Variants in ANGPT1 observed in about 807,000 individuals in gnomAD.
The protein encoded by ANGPT1 is angiopoietin 1.
In ANGPT1, 17 loss-of-function variants were observed where a neutral mutation model predicts 62.2. That is an observed-to-expected ratio of 0.27 (90% CI 0.19 to 0.41). The LOEUF is 0.41. Ranked by LOEUF, ANGPT1 falls within the 10% of genes least tolerant of loss-of-function variation. The pLI is 1.00. For missense variants in ANGPT1, 478 were observed against 594.9 expected, an observed-to-expected ratio of 0.80 and a Z score of 2.04; for synonymous variants, 199 against 198.9, an observed-to-expected ratio of 1.00 and a Z score of 0.00.
At chr8:107,489,846 A>G (rs1231790945) in intron 1 of ANGPT1, among the ~76,000 whole-genome samples, 1 of 152,062 alleles carries the variant, frequency 6.6e-6, no homozygotes, top group African/African-American at 2.4e-5. Context: ...ACCGCCAAAG[A>G]TAATCTTGTA....
At chr8:107,464,937 G>C (rs922022525) in intron 1 of ANGPT1, among the ~76,000 whole-genome samples, 5 of 152,180 alleles carry the variant, frequency 3.3e-5, no homozygotes, top group Middle Eastern at 3.4e-3. Context: ...CACATGGGGG[G>C]ATCAAGAAGG....
At chr8:107,342,178 A>C (rs575667334) in intron 2 of ANGPT1, among the ~76,000 whole-genome samples, 1 of 152,310 alleles carries the variant, frequency 6.6e-6, no homozygotes, top group African/African-American at 2.4e-5. Context: ...CCCATCAGCT[A>C]TTTGTGGGTA....
intron 1 of ANGPT1, among the ~76,000 whole-genome samples, chr8:107,375,291 T>C (rs773876774): frequency 5.3e-5 from 8 of 152,186 alleles, no homozygotes; most frequent in Non-Finnish European, 7.4e-5. Context: ...TTAACAAATA[T>C]GGCAGTTAGT....
At chr8:107,357,079 A>C (rs1463664707) in intron 1 of ANGPT1, among the ~76,000 whole-genome samples, 4 of 152,164 alleles carry the variant, frequency 2.6e-5, no homozygotes. Flanking sequence ...CTTTGTAGTT[A>C]TGTTCATTTC....
At position 107,355,414 on chromosome 8, in the gene ANGPT1, G is replaced by A. The variant is rs984362834; in HGVS notation, c.298-8317C>T. On this transcript the variant is annotated intron_variant, in intron 1 of 8. Coordinates refer to ENST00000517746, the MANE Select transcript of ANGPT1 (RefSeq NM_001146.5). Reference sequence around the variant, plus strand: ...CCATAGCCAGTGGGATCAATCTAAAGCACAGATTTGGCTTTGTCATGTCAC... The same window carrying A: ...CCATAGCCAGTGGGATCAATCTAAAACACAGATTTGGCTTTGTCATGTCAC... Among the ~76,000 whole-genome samples, 4 of 152,102 alleles carry A rather than the reference G, an allele frequency of 2.6e-5. No homozygotes were observed. In the East Asian group the frequency reaches 7.7e-4, roughly 29 times the overall value.
At chr8:107,450,599 C>A (rs1412908673) in intron 1 of ANGPT1, among the ~76,000 whole-genome samples, 1 of 151,636 alleles carries the variant, frequency 6.6e-6, no homozygotes, top group African/African-American at 2.4e-5. Context: ...TCAACCAAAA[C>A]AAACACAGTA....
intron 1 of ANGPT1, among the ~76,000 whole-genome samples, chr8:107,397,297 AG>A (rs1472706698): frequency 6.6e-6 from 1 of 152,176 alleles, no homozygotes; most frequent in African/African-American, 2.4e-5. Context: ...GATACCTGAA[AG>A]CCCTAGGGCA....
At chr8:107,356,433 A>G (rs1483879577) in intron 1 of ANGPT1, among the ~76,000 whole-genome samples, 1 of 152,162 alleles carries the variant, frequency 6.6e-6, no homozygotes, top group Non-Finnish European at 1.5e-5. Flanking sequence ...TGCCTGCCTG[A>G]TGGGTAGAAT....
intron 1 of ANGPT1, among the ~76,000 whole-genome samples, chr8:107,473,282 A>T (rs1414832479): frequency 6.6e-6 from 1 of 152,114 alleles, no homozygotes; most frequent in Admixed American, 6.6e-5. Context: ...AAGCATGCAC[A>T]GTCTTAATAT....
intron 8 of ANGPT1, among the ~76,000 whole-genome samples, chr8:107,253,780 G>A (rs996948759): frequency 2.6e-5 from 4 of 152,186 alleles, no homozygotes; most frequent in Non-Finnish European, 4.4e-5. Context: ...TAAAGGATAC[G>A]CTCATTGGGA....
intron 2 of ANGPT1, among the ~76,000 whole-genome samples, chr8:107,339,710 C>T (rs1412326666): frequency 6.6e-6 from 1 of 152,130 alleles, no homozygotes; most frequent in African/African-American, 2.4e-5. Context: ...GCCTCCAGAC[C>T]CCCTGGGGGC....
chr8:107,419,363 G>A (rs931771164), intron 1 of ANGPT1, among the ~76,000 whole-genome samples: 1 of 152,126 alleles, frequency 6.6e-6, no homozygotes, highest in African/African-American at 2.4e-5. Flanking sequence ...CCAGAGGGAA[G>A]GAAAGGAACA....
In ANGPT1 at chr8:107,370,273, A is replaced by AAG. The variant is rs1327213167; in HGVS notation, c.298-23178_298-23177dup. Among the ~76,000 whole-genome samples, 2 of 148,988 alleles carry AAG rather than the reference A, an allele frequency of 1.3e-5. 1 individual carries two copies. Among genetic ancestry groups the AAG allele is most frequent in the Non-Finnish European group, 3.0e-5 (2 of 67,228 alleles). ...AGAGAGAGAAAAAGAAAGAGAAGGA[A>AAG]AGAAGAAAGAAAGAAAAGGAAAGAA... On this transcript the variant is annotated intron_variant, in intron 1 of 8. Coordinates refer to ENST00000517746, the MANE Select transcript of ANGPT1 (RefSeq NM_001146.5).
chr8:107,497,613 G>C lies in ANGPT1; in HGVS notation c.-55C>G. On this transcript the variant is annotated 5_prime_UTR_variant, in exon 1 of 9. Transcript: ENST00000517746. ...CTCGCAAAACTTGCTCCTTTCTTCT[G>C]ACCTCTAAAACTAGTTCTTTATTTC... 1 of 1,544,044 alleles carries C rather than the reference G, an allele frequency of 6.5e-7. No individual in the cohort carries two copies. Among genetic ancestry groups the C allele is most frequent in the Non-Finnish European group, 8.8e-7 (1 of 1,139,648 alleles).
At chr8:107,329,669 T>C (rs963378179) in intron 3 of ANGPT1, among the ~76,000 whole-genome samples, 1 of 148,176 alleles carries the variant, frequency 6.7e-6, no homozygotes, top group African/African-American at 2.4e-5. Context: ...GTGTGAGTCT[T>C]TGTGTGTGTG....
At chr8:107,355,003 C>A (rs148984299) in intron 1 of ANGPT1, among the ~76,000 whole-genome samples, 2 of 151,338 alleles carry the variant, frequency 1.3e-5, no homozygotes, top group African/African-American at 4.9e-5. Context: ...CTTCGCCTCT[C>A]GGGTTCAAGT....
At chr8:107,302,994 C>T (rs1269157567) in intron 5 of ANGPT1, among the ~76,000 whole-genome samples, 1 of 151,766 alleles carries the variant, frequency 6.6e-6, no homozygotes, top group East Asian at 1.9e-4. Flanking sequence ...AGCAAGGGGA[C>T]ATCCTAGGGA....
chr8:107,298,004 G>A (rs1487257948), intron 5 of ANGPT1, among the ~76,000 whole-genome samples: 1 of 151,792 alleles, frequency 6.6e-6, no homozygotes, highest in African/African-American at 2.4e-5. Flanking sequence ...TCCTTCCTGT[G>A]GACAAGACCC....
intron 8 of ANGPT1, among the ~76,000 whole-genome samples, chr8:107,262,138 T>G (rs958044038): frequency 6.6e-6 from 1 of 152,124 alleles, no homozygotes; most frequent in African/African-American, 2.4e-5. Flanking sequence ...GAGGTTACAG[T>G]GAGCCTAGAT....
Sources: gnomAD v4.1 joint callset for allele counts (sites outside exome capture counted in the v4.1 genomes callset) on GRCh38, gnomAD v4.1.1 for gene constraint, MANE v1.5 for transcripts, NCBI Gene and HGNC (gene_info 2026-07-23, HGNC 2026-07-21) for gene names.